KLF12: variants seen among roughly 807,000 people sequenced by gnomAD.
The protein encoded by KLF12 is Krueppel-like factor 12.
KLF12 carries 9 observed loss-of-function variants against 37.8 expected under a neutral mutation model. The observed-to-expected ratio is 0.24, with a 90% confidence interval of 0.14 to 0.42. The LOEUF (loss-of-function observed/expected upper bound fraction) is 0.42, where lower values mean the gene tolerates loss of function less well. Ranked by LOEUF, KLF12 falls within the 10% of genes least tolerant of loss-of-function variation. The pLI is 1.00. For missense variants in KLF12, 411 were observed against 516.0 expected, an observed-to-expected ratio of 0.80 and a Z score of 1.97; for synonymous variants, 208 against 202.1, an observed-to-expected ratio of 1.03 and a Z score of -0.25.
At chr13:73,900,460 AT>A (rs993992873) in intron 3 of KLF12, among the ~76,000 whole-genome samples, 1 of 152,136 alleles carries the variant, frequency 6.6e-6, no homozygotes, top group Non-Finnish European at 1.5e-5. Context: ...CTTTTAATAC[AT>A]TTTTTCAGTA....
chr13:74,017,786 C>T (rs1892736584), intron 1 of KLF12, among the ~76,000 whole-genome samples: 3 of 151,866 alleles, frequency 2.0e-5, no homozygotes, highest in Admixed American at 6.6e-5. Flanking sequence ...AAGAAATTGG[C>T]CAAGCTGCAG....
chr13:73,823,220 A>G (rs1883632980), intron 4 of KLF12, among the ~76,000 whole-genome samples: 1 of 152,172 alleles, frequency 6.6e-6, no homozygotes, highest in South Asian at 2.1e-4. Flanking sequence ...AATAATTTTA[A>G]GTATCACCAA....
At chr13:73,808,931 C>CTT (rs1288193526) in intron 5 of KLF12, among the ~76,000 whole-genome samples, 2 of 152,168 alleles carry the variant, frequency 1.3e-5, no homozygotes, top group Non-Finnish European at 2.9e-5. Flanking sequence ...TCCTTCATAT[C>CTT]CCTTTCCTTT....
intron 5 of KLF12, 110 bp downstream of exon 5, chr13:73,813,042 G>T: frequency 8.7e-7 from 1 of 1,146,132 alleles, no homozygotes; most frequent in Non-Finnish European, 1.3e-6. Context: ...TGACATTCGT[G>T]CCAGTTCACA....
the KLF12 span, among the ~76,000 whole-genome samples, chr13:74,195,985 T>C: frequency 1.3e-5 from 2 of 152,214 alleles, no homozygotes; most frequent in African/African-American, 2.4e-5. Context: ...ATGTATTTAC[T>C]GTGGTTACAA....
chr13:73,883,643 C>A (rs1158136134), intron 3 of KLF12, among the ~76,000 whole-genome samples: 1 of 152,114 alleles, frequency 6.6e-6, no homozygotes, highest in African/African-American at 2.4e-5. Flanking sequence ...GGGGAGAGCA[C>A]TCCACGGTAA....
At chr13:73,982,868 G>T in intron 2 of KLF12, among the ~76,000 whole-genome samples, 1 of 149,586 alleles carries the variant, frequency 6.7e-6, no homozygotes. Context: ...AGTATTTCAG[G>T]TTTTCTGTCA....
chr13:73,822,728 C>T (rs1170652452), intron 4 of KLF12, among the ~76,000 whole-genome samples: 6 of 152,000 alleles, frequency 3.9e-5, no homozygotes, highest in Admixed American at 6.6e-5. Flanking sequence ...CCTGAAAGTA[C>T]GTCTTAGAGC....
intron 3 of KLF12, among the ~76,000 whole-genome samples, chr13:73,900,050 G>T (rs1330605658): frequency 6.6e-6 from 1 of 152,152 alleles, no homozygotes; most frequent in African/African-American, 2.4e-5. Flanking sequence ...AAAGTCACTA[G>T]TAAGTTATAG....
At chr13:74,264,362 AG>A in the KLF12 span, among the ~76,000 whole-genome samples, 1 of 152,216 alleles carries the variant, frequency 6.6e-6, no homozygotes, top group Admixed American at 6.5e-5. Flanking sequence ...TTATAGCTGT[AG>A]AGATGAGGTA....
At chr13:74,034,221 C>G (rs1853740) in intron 1 of KLF12, among the ~76,000 whole-genome samples, 21,536 of 149,954 alleles carry the variant, frequency 0.14, 1,990 homozygotes, top group Admixed American at 0.23. Flanking sequence ...CACCACCATG[C>G]CTGGCGAATT....
chr13:73,847,741 G>A (rs1392212836), intron 3 of KLF12, among the ~76,000 whole-genome samples: 1 of 152,068 alleles, frequency 6.6e-6, no homozygotes, highest in African/African-American at 2.4e-5. Flanking sequence ...TCTACTGTAT[G>A]AAATTCTAAA....
At chr13:74,060,507 T>TGTGTCTGTGTGTGA (rs1404945689) in intron 1 of KLF12, among the ~76,000 whole-genome samples, 3 of 149,510 alleles carry the variant, frequency 2.0e-5, no homozygotes, top group Non-Finnish European at 4.5e-5. Context: ...TGTGTGTGTG[T>TGTGTCTGTGTGTGA]GTGTGTGTGT....
chr13:73,737,053 T>C (rs1172140109), intron 6 of KLF12, among the ~76,000 whole-genome samples: 1 of 152,226 alleles, frequency 6.6e-6, no homozygotes, highest in Non-Finnish European at 1.5e-5. Flanking sequence ...TTTCTCTCCC[T>C]ACTTTCCAAT....
chr13:74,228,123 C>A, the KLF12 span, among the ~76,000 whole-genome samples: 1 of 152,066 alleles, frequency 6.6e-6, no homozygotes, highest in African/African-American at 2.4e-5. Context: ...CGGTTTTCTT[C>A]TCCCAAAGTT....
chr13:74,076,104 GA>G (rs1342142007), intron 1 of KLF12, among the ~76,000 whole-genome samples: 3 of 151,964 alleles, frequency 2.0e-5, no homozygotes, highest in Admixed American at 1.3e-4. Flanking sequence ...AATATATTAA[GA>G]ACTAAAGAAC....
At chr13:74,144,130 G>T in the KLF12 span, among the ~76,000 whole-genome samples, 1 of 152,170 alleles carries the variant, frequency 6.6e-6, no homozygotes, top group African/African-American at 2.4e-5. Context: ...AAACTGCCTA[G>T]CATGTAGTAG....
At chr13:74,188,272 C>T in the KLF12 span, among the ~76,000 whole-genome samples, 16 of 152,070 alleles carry the variant, frequency 1.1e-4, no homozygotes, top group African/African-American at 3.9e-4. Context: ...CCTACTATAC[C>T]CAGACACTGT....
chr13:73,983,234 C>T (rs1451969381), intron 2 of KLF12, among the ~76,000 whole-genome samples: 1 of 152,170 alleles, frequency 6.6e-6, no homozygotes, highest in Non-Finnish European at 1.5e-5. Context: ...GGCAACCAAC[C>T]CTGGCACAGT....
Sources: gnomAD v4.1 joint callset for allele counts (sites outside exome capture counted in the v4.1 genomes callset) on GRCh38, gnomAD v4.1.1 for gene constraint, MANE v1.5 for transcripts, NCBI Gene and HGNC (gene_info 2026-07-23, HGNC 2026-07-21) for gene names.